ARSG: variants seen among roughly 807,000 people sequenced by gnomAD.
ARSG encodes the protein ASG.
In ARSG, 37 loss-of-function variants were observed where a neutral mutation model predicts 50.5. The ratio of observed to expected loss-of-function variants is 0.73; its 90% confidence interval spans 0.56 to 0.96. The LOEUF is 0.96. Ranked by LOEUF, ARSG falls within the 50% of genes least tolerant of loss-of-function variation. ARSG has a pLI of 0.00. For missense variants in ARSG, 629 were observed against 675.3 expected (o/e 0.93, Z 0.76); for synonymous variants, 225 against 254.6 (o/e 0.88, Z 1.11).
chr17:68,346,845 G>A, intron 3 of ARSG: 1 of 1,388,562 alleles, frequency 7.2e-7, no homozygotes, highest in Non-Finnish European at 9.5e-7. Context: ...CTCTTTGAGG[G>A]GCAGAGGCTC....
chr17:68,272,812 T>C (rs972572817), intron 1 of ARSG: 1 of 1,609,252 alleles, frequency 6.2e-7, no homozygotes, highest in African/African-American at 1.3e-5. Context: ...CACATACTGC[T>C]TGAGACTGGA....
chr17:68,295,024 A>C (rs2076156798), intron 1 of ARSG, among the ~76,000 whole-genome samples: 1 of 152,164 alleles, frequency 6.6e-6, no homozygotes, highest in Non-Finnish European at 1.5e-5. Context: ...AAGTTAACTG[A>C]ATTAACACGT....
At chr17:68,370,334 C>A (rs1330642849) in intron 7 of ARSG, 110 bp from the exon 8 acceptor site, 7 of 925,142 alleles carry the variant, frequency 7.6e-6, no homozygotes, top group Middle Eastern at 2.3e-4. Flanking sequence ...TTTATAAGTC[C>A]TTTTTCTATC....
chr17:68,411,446 C>G (rs1827658518), intron 11 of ARSG, among the ~76,000 whole-genome samples: 3 of 152,308 alleles, frequency 2.0e-5, no homozygotes, highest in African/African-American at 4.8e-5. Flanking sequence ...GAGTGAGATT[C>G]TTAATCCTGG....
chr17:68,353,245 T>G (rs2086806365), intron 5 of ARSG, among the ~76,000 whole-genome samples: 1 of 152,036 alleles, frequency 6.6e-6, no homozygotes, highest in Non-Finnish European at 1.5e-5. Context: ...GAAGCTTATG[T>G]TGCCCAGGTT....
At chr17:68,288,154 G>A (rs1442727362), upstream of ARSG, among the ~76,000 whole-genome samples, 4 of 150,636 alleles carry the variant, frequency 2.7e-5, no homozygotes, top group Non-Finnish European at 3.0e-5. Flanking sequence ...ATGCCACCAC[G>A]CCCGGCTGAT....
At chr17:68,282,693 C>T (rs1242220496) in intron 1 of ARSG, among the ~76,000 whole-genome samples, 4 of 148,148 alleles carry the variant, frequency 2.7e-5, no homozygotes, top group African/African-American at 1.0e-4. Context: ...CCTGTAATCC[C>T]AGAACTTTGG....
intron 11 of ARSG, among the ~76,000 whole-genome samples, chr17:68,405,783 C>T (rs78931480): frequency 0.012 from 1,810 of 152,240 alleles, 38 homozygotes; most frequent in African/African-American, 0.042. Flanking sequence ...TCTCTTATAA[C>T]CCTTTTTAAA....
intron 11 of ARSG, among the ~76,000 whole-genome samples, chr17:68,401,992 A>T (rs1320950289): frequency 6.6e-6 from 1 of 152,136 alleles, no homozygotes; most frequent in East Asian, 1.9e-4. Context: ...CAGACTCTCA[A>T]TCCCGAGTCC....
intron 9 of ARSG, among the ~76,000 whole-genome samples, chr17:68,392,847 G>A (rs2081060023): frequency 6.6e-6 from 1 of 152,168 alleles, no homozygotes. Flanking sequence ...TAAAGCCGGT[G>A]GAATGTTCCA....
chr17:68,434,683 T>A, the ARSG span: 5 of 1,578,010 alleles, frequency 3.2e-6, no homozygotes, highest in East Asian at 1.1e-4. Flanking sequence ...CACAGAGATG[T>A]CCCTTTAGAG....
At chr17:68,273,858 C>G in intron 1 of ARSG, 1 of 1,539,690 alleles carries the variant, frequency 6.5e-7, no homozygotes, top group Non-Finnish European at 8.8e-7. Context: ...GCTTTAATTT[C>G]CTCCTTCCCC....
intron 2 of ARSG, among the ~76,000 whole-genome samples, chr17:68,328,796 C>T (rs1239563820): frequency 6.6e-6 from 1 of 152,142 alleles, no homozygotes; most frequent in Non-Finnish European, 1.5e-5. Context: ...TGCAGAGAAC[C>T]CAGCTGAGGA....
At chr17:68,389,114 T>A (rs1166918204) in intron 9 of ARSG, among the ~76,000 whole-genome samples, 1 of 152,148 alleles carries the variant, frequency 6.6e-6, no homozygotes, top group Non-Finnish European at 1.5e-5. Flanking sequence ...CACATCAGTG[T>A]CTTGTGGTTT....
At chr17:68,352,571 G>A (rs2078851004) in intron 5 of ARSG, among the ~76,000 whole-genome samples, 1 of 150,468 alleles carries the variant, frequency 6.6e-6, no homozygotes, top group African/African-American at 2.4e-5. Flanking sequence ...GCGCAGTGGC[G>A]CGATCTCGGC....
chr17:68,370,964 A>C (rs531501862), intron 8 of ARSG, among the ~76,000 whole-genome samples: 1 of 130,250 alleles, frequency 7.7e-6, no homozygotes, highest in East Asian at 2.0e-4. Flanking sequence ...TTTAATGTAC[A>C]TTGTCTCCAG....
rs1413687810 is a variant in ARSG at position 68,307,356 on chromosome 17, A to C, written c.-138A>C. Reference sequence around the variant, plus strand: ...CGTTATCACTGCCATCACCACTGCCACCAGCATCTTCTTGCAGATTCCACC... The same window carrying C: ...CGTTATCACTGCCATCACCACTGCCCCCAGCATCTTCTTGCAGATTCCACC... On this transcript the variant is annotated 5_prime_UTR_variant, in exon 2 of 12. Transcript: ENST00000621439. 1.5e-6 allele frequency: 1 copy of C among 674,842 alleles called. No individual in the cohort carries two copies. Among genetic ancestry groups the C allele is most frequent in the Admixed American group, 2.7e-5 (1 of 37,470 alleles). The allele number at this position is 674,842 out of a possible 1,614,324, so 41.8% of individuals were successfully genotyped here.
intron 11 of ARSG, chr17:68,413,536 T>A (rs2082149376): frequency 6.6e-6 from 1 of 152,112 alleles, no homozygotes; most frequent in African/African-American, 2.4e-5. Flanking sequence ...ACAGGGACAT[T>A]TAAGTCTGCA....
chr17:68,431,687 G>A, the ARSG span, among the ~76,000 whole-genome samples: 1 of 152,056 alleles, frequency 6.6e-6, no homozygotes, highest in Non-Finnish European at 1.5e-5. Context: ...CTAAAGACAC[G>A]TTCAAGGGCC....
Sources: allele counts gnomAD v4.1 joint callset (sites outside exome capture counted in the v4.1 genomes callset), GRCh38; gene constraint gnomAD v4.1.1; transcripts MANE v1.5; gene names NCBI Gene and HGNC (gene_info 2026-07-23, HGNC 2026-07-21).